BRINP1: variants seen among roughly 807,000 people sequenced by gnomAD.
BRINP1 encodes the protein BMP/retinoic acid-inducible neural-specific protein 1.
BRINP1 carries 17 observed loss-of-function variants against 72.9 expected under a neutral mutation model. The observed-to-expected ratio is 0.23, with a 90% CI of 0.16 to 0.35. BRINP1 has a LOEUF of 0.35. Among genes scored for constraint, BRINP1 ranks in the 10% least tolerant of loss-of-function variants. The pLI is 1.00. For synonymous variants in BRINP1, 418 were observed against 378.5 expected (o/e 1.10, Z -1.21); for missense variants, 850 against 1,001.6 (o/e 0.85, Z 2.04).
At chr9:119,183,497 C>A (rs79759819) in intron 7 of BRINP1, among the ~76,000 whole-genome samples, 2 of 152,030 alleles carry the variant, frequency 1.3e-5, no homozygotes, top group Non-Finnish European at 2.9e-5. Flanking sequence ...GAAGAAGACA[C>A]GGGGGGCTGT....
At chr9:119,270,579 A>C (rs1830596545) in intron 2 of BRINP1, among the ~76,000 whole-genome samples, 1 of 152,174 alleles carries the variant, frequency 6.6e-6, no homozygotes, top group African/African-American at 2.4e-5. Context: ...AGGAAGAGTA[A>C]AAGGTTTTGA....
At chr9:119,324,263 A>G (rs746877895) in intron 1 of BRINP1, among the ~76,000 whole-genome samples, 21 of 152,160 alleles carry the variant, frequency 1.4e-4, no homozygotes, top group Non-Finnish European at 2.8e-4. Context: ...ACCTATCTTC[A>G]AGACTCATCC....
intron 2 of BRINP1, among the ~76,000 whole-genome samples, chr9:119,259,877 G>A (rs1249996327): frequency 6.6e-6 from 1 of 152,132 alleles, no homozygotes; most frequent in African/African-American, 2.4e-5. Flanking sequence ...ACAGTGCTTT[G>A]TTTAAGAAGA....
chr9:119,169,882 C>A (rs1829380618), intron 7 of BRINP1, among the ~76,000 whole-genome samples: 1 of 152,150 alleles, frequency 6.6e-6, no homozygotes, highest in South Asian at 2.1e-4. Flanking sequence ...ACTGACACGT[C>A]ACAGGCAGGG....
intron 2 of BRINP1, among the ~76,000 whole-genome samples, chr9:119,304,378 A>T (rs941671787): frequency 6.6e-6 from 1 of 152,174 alleles, no homozygotes; most frequent in Non-Finnish European, 1.5e-5. Context: ...CGACCATTGT[A>T]TGGTTCACAA....
intron 1 of BRINP1, among the ~76,000 whole-genome samples, chr9:119,342,851 G>T (rs1237414370): frequency 6.6e-6 from 1 of 152,200 alleles, no homozygotes; most frequent in Non-Finnish European, 1.5e-5. Flanking sequence ...ATATGCTAGA[G>T]AAGTTAAGCA....
At chr9:119,268,403 C>T (rs1830576009) in intron 2 of BRINP1, among the ~76,000 whole-genome samples, 1 of 152,146 alleles carries the variant, frequency 6.6e-6, no homozygotes. Context: ...ATTAATTGAT[C>T]TCTATCCAAA....
intron 1 of BRINP1, among the ~76,000 whole-genome samples, chr9:119,337,853 C>A (rs1831362968): frequency 6.6e-6 from 1 of 152,194 alleles, no homozygotes; most frequent in Admixed American, 6.5e-5. Flanking sequence ...ATATAAGTGT[C>A]TTTTGTCCTT....
intron 1 of BRINP1, among the ~76,000 whole-genome samples, chr9:119,326,823 G>A (rs1376908450): frequency 1.3e-5 from 2 of 152,310 alleles, no homozygotes; most frequent in Admixed American, 6.5e-5. Flanking sequence ...GACAGGATAC[G>A]TCCAGGGTTC....
rs1829849591 is a variant in BRINP1, at chr9:119,205,989, A to G, written c.1145+2730T>C. On this transcript the variant is annotated intron_variant, in intron 7 of 7. Transcript: ENST00000265922. ...CTGAATTACATACCCCTCCAAACTT[A>G]TATGTTAAAGTCCTAGCCCCCAGGA... 3.4e-5 allele frequency among the ~76,000 whole-genome samples: 5 copies of G among 148,990 alleles called. No homozygotes were observed. In the South Asian group the frequency reaches 8.3e-4, roughly 25 times the overall value.
chr9:119,309,297 G>A (rs1367206357), intron 2 of BRINP1, among the ~76,000 whole-genome samples: 1 of 152,130 alleles, frequency 6.6e-6, no homozygotes, highest in Non-Finnish European at 1.5e-5. Context: ...GTTAGCATTT[G>A]GTAATAAATC....
At chr9:119,273,696 T>A (rs972835337) in intron 2 of BRINP1, among the ~76,000 whole-genome samples, 1 of 152,210 alleles carries the variant, frequency 6.6e-6, no homozygotes, top group African/African-American at 2.4e-5. Context: ...ATCTCATTAG[T>A]ACTCATTAGC....
intron 1 of BRINP1, among the ~76,000 whole-genome samples, chr9:119,367,215 G>GATATATATATA (rs765903046): frequency 9.2e-5 from 3 of 32,752 alleles, no homozygotes; most frequent in African/African-American, 1.5e-4. Context: ...GTGTGTGTGT[G>GATATATATATA]TGATTGATAT....
At chr9:119,268,052 A>G (rs479866) in intron 2 of BRINP1, among the ~76,000 whole-genome samples, 146,983 of 152,152 alleles carry the variant, frequency 0.97, 71,223 homozygotes, top group East Asian at 1. Flanking sequence ...AGACCAGCCC[A>G]GCCAACATGG....
At chr9:119,186,193 A>G (rs1345527152) in intron 7 of BRINP1, among the ~76,000 whole-genome samples, 1 of 152,022 alleles carries the variant, frequency 6.6e-6, no homozygotes, top group Non-Finnish European at 1.5e-5. Context: ...TATGTCTGGG[A>G]AGGTAAGGCA....
intron 2 of BRINP1, among the ~76,000 whole-genome samples, chr9:119,278,628 G>T (rs538110072): frequency 6.6e-6 from 1 of 152,232 alleles, no homozygotes; most frequent in Admixed American, 6.5e-5. Context: ...GGTGGCTCGC[G>T]CCTGTAATCC....
At chr9:119,170,059 T>A in intron 7 of BRINP1, among the ~76,000 whole-genome samples, 1 of 152,048 alleles carries the variant, frequency 6.6e-6, no homozygotes, top group Non-Finnish European at 1.5e-5. Flanking sequence ...CCGGAAACTC[T>A]AAAAAGCAGA....
At chr9:119,196,005 T>A (rs185824526) in intron 7 of BRINP1, among the ~76,000 whole-genome samples, 12 of 152,372 alleles carry the variant, frequency 7.9e-5, no homozygotes, top group African/African-American at 2.9e-4. Flanking sequence ...ATTTAGCATT[T>A]TTTTGTAATT....
At chr9:119,294,544 CA>C (rs1157806876) in intron 2 of BRINP1, among the ~76,000 whole-genome samples, 1 of 150,456 alleles carries the variant, frequency 6.6e-6, no homozygotes, top group African/African-American at 2.4e-5. Flanking sequence ...ACAACAACGA[CA>C]AAACACATTG....
Sources: allele counts gnomAD v4.1 joint callset (sites outside exome capture counted in the v4.1 genomes callset), GRCh38; gene constraint gnomAD v4.1.1; transcripts MANE v1.5; gene names NCBI Gene and HGNC (gene_info 2026-07-23, HGNC 2026-07-21).